PCNX2: variants seen among roughly 807,000 people sequenced by gnomAD.
PCNX2 encodes the protein pecanex-like protein 2.
In PCNX2, 168 loss-of-function variants were observed where a neutral mutation model predicts 223.8. The observed-to-expected ratio is 0.75, with a 90% CI of 0.66 to 0.85. The LOEUF (loss-of-function observed/expected upper bound fraction) is 0.85. PCNX2 is among the 40% of genes least tolerant of loss of function. The pLI is 0.00. For missense variants in PCNX2, 2,507 were observed against 2,675.5 expected (o/e 0.94, Z 1.39); for synonymous variants, 1,006 against 1,052.6 (o/e 0.96, Z 0.86).
Position 233,100,203 on chromosome 1 carries a change from A to C in PCNX2, c.3838-4340T>G, listed in dbSNP as rs540403706. On this transcript the variant is annotated intron_variant, in intron 21 of 33. Coordinates refer to ENST00000258229, the MANE Select transcript of PCNX2 (RefSeq NM_014801.4). ...CATGGCAGGCAGATCACCAGAGGTCAGGAGTTCCAGAACAGCCTGGCCAAT... is the reference window on the plus strand; with the variant it reads ...CATGGCAGGCAGATCACCAGAGGTCCGGAGTTCCAGAACAGCCTGGCCAAT... Among the ~76,000 whole-genome samples the C allele has an allele frequency of 2.6e-5, 4 of 152,316 alleles. No individual in the cohort carries two copies. In the South Asian group the frequency reaches 8.3e-4, roughly 32 times the overall value.
chr1:233,221,863 G>A (rs189259261), intron 10 of PCNX2, among the ~76,000 whole-genome samples: 6 of 152,272 alleles, frequency 3.9e-5, no homozygotes, highest in East Asian at 1.9e-4. Context: ...CAGAATCCAT[G>A]GCAGAAATTA....
intron 25 of PCNX2, among the ~76,000 whole-genome samples, chr1:233,028,566 A>G (rs868445979): frequency 3.0e-4 from 45 of 152,178 alleles, no homozygotes; most frequent in African/African-American, 1.1e-3. Flanking sequence ...TTTGTAAGGA[A>G]TGCAACTTTC....
At chr1:233,121,257 A>C (rs1281215859) in intron 21 of PCNX2, among the ~76,000 whole-genome samples, 1 of 152,194 alleles carries the variant, frequency 6.6e-6, no homozygotes, top group African/African-American at 2.4e-5. Flanking sequence ...GATTCTTTAC[A>C]ACTTGATCTA....
In PCNX2 at chr1:233,235,959, T is replaced by TAAA. The variant is rs34854755; in HGVS notation, c.2358+885_2358+886insTTT. ...GTGGCAAAGCAATCATAAAAAAAAA[T>TAAA]ATATATATATATATATATATATATA... On this transcript the variant is annotated intron_variant, in intron 9 of 33. Transcript: ENST00000258229. 8.2e-3 allele frequency among the ~76,000 whole-genome samples: 377 copies of TAAA among 45,968 alleles called. 7 individuals carry two copies. Among genetic ancestry groups the TAAA allele is most frequent in the African/African-American group, 0.016 (353 of 22,608 alleles). The allele number at this position is 45,968 out of a possible 152,430, so 30.2% of individuals were successfully genotyped here.
Position 233,054,386 on chromosome 1 carries a change from G to A in PCNX2, c.4233C>T (p.Gly1411=). 6.2e-7 allele frequency: 1 copy of A among 1,613,834 alleles called. No homozygotes were observed. Among genetic ancestry groups the A allele is most frequent in the Non-Finnish European group, 8.5e-7 (1 of 1,179,790 alleles). Residue 1411 remains glycine (G), a synonymous_variant, in exon 25 of 34, where the codon GGC becomes GGT. Transcript: ENST00000258229. ...TAAAGCAATCGCCAGAGCTGTAGTT[G>A]CCCCAACGTCCAAGAACTAAGTCTC... The part of the protein sequence containing the change: ...LCGDLVLGRW[G]NYSSGDCFIL...
At chr1:233,110,479 A>G (rs530180278) in intron 21 of PCNX2, among the ~76,000 whole-genome samples, 2 of 152,336 alleles carry the variant, frequency 1.3e-5, no homozygotes, top group East Asian at 3.9e-4. Flanking sequence ...ATGCAAACAA[A>G]ACTGACAAAA....
intron 10 of PCNX2, among the ~76,000 whole-genome samples, chr1:233,219,014 A>G (rs1345206462): frequency 6.6e-6 from 1 of 152,120 alleles, no homozygotes; most frequent in Non-Finnish European, 1.5e-5. Context: ...GACAGTGCAG[A>G]GGACCTGCCC....
intron 17 of PCNX2, among the ~76,000 whole-genome samples, chr1:233,163,479 C>G (rs1678616815): frequency 6.6e-6 from 1 of 151,730 alleles, no homozygotes. Flanking sequence ...GAGCGAGACT[C>G]TGTCTCAAAA....
intron 25 of PCNX2, among the ~76,000 whole-genome samples, chr1:233,033,765 T>A (rs1049296661): frequency 6.6e-6 from 1 of 152,224 alleles, no homozygotes; most frequent in Non-Finnish European, 1.5e-5. Context: ...AGGCCTTGCA[T>A]CATCCAAGAG....
chr1:233,244,802 A>C (rs1224853901), intron 8 of PCNX2, among the ~76,000 whole-genome samples: 2 of 152,244 alleles, frequency 1.3e-5, no homozygotes, highest in Non-Finnish European at 2.9e-5. Context: ...TGGTTTTAAA[A>C]GGCTCATTTT....
the PCNX2 span, among the ~76,000 whole-genome samples, chr1:233,312,913 C>T: frequency 6.7e-6 from 1 of 150,100 alleles, no homozygotes; most frequent in South Asian, 2.1e-4. Flanking sequence ...AAAATGTAAC[C>T]GAAAGAAAAA....
rs1659903619 is a variant in PCNX2 at position 233,259,073 on chromosome 1, C to T, written c.789G>A (p.Gln263=). 1 of 1,614,014 alleles carries T rather than the reference C, an allele frequency of 6.2e-7. No individual in the cohort carries two copies. The highest frequency in any genetic ancestry group is 1.1e-5 in the South Asian group (1 of 91,084). ...AAACGTCTGTTTCTAGTAAGTCATA[C>T]TGAGACAAAGACAGGTGGGGCAACT... is the stretch of plus-strand genomic sequence containing the variant. ...LKKLPHLSLS[Q]YDLLETDVSF... Residue 263 remains glutamine, a synonymous_variant, in exon 5 of 34, where the codon CAG becomes CAA. Transcript: ENST00000258229.
At chr1:233,185,511 T>C (rs547657319) in intron 15 of PCNX2, among the ~76,000 whole-genome samples, 84 of 152,168 alleles carry the variant, frequency 5.5e-4, no homozygotes, top group Non-Finnish European at 6.8e-4. Flanking sequence ...TCACTGTAAC[T>C]TACAAGTTCC....
chr1:233,171,339 A>G (rs1003312831), intron 17 of PCNX2, among the ~76,000 whole-genome samples: 2 of 151,590 alleles, frequency 1.3e-5, no homozygotes, highest in Non-Finnish European at 2.9e-5. Flanking sequence ...TACTTTTAAC[A>G]CAAGGTCACT....
chr1:233,275,047 T>C (rs749131615), intron 1 of PCNX2, among the ~76,000 whole-genome samples: 1 of 152,252 alleles, frequency 6.6e-6, no homozygotes, highest in Non-Finnish European at 1.5e-5. Flanking sequence ...GTGAAACATA[T>C]ACTGATTTTT....
At chr1:233,104,901 AT>A (rs1425824022) in intron 21 of PCNX2, among the ~76,000 whole-genome samples, 1 of 152,168 alleles carries the variant, frequency 6.6e-6, no homozygotes, top group African/African-American at 2.4e-5. Flanking sequence ...AATAAAAACA[AT>A]GGAAATAACA....
chr1:233,046,089 C>A (rs951746186), intron 25 of PCNX2, among the ~76,000 whole-genome samples: 1 of 152,238 alleles, frequency 6.6e-6, no homozygotes, highest in South Asian at 2.1e-4. Context: ...CTTTCTTGGT[C>A]CACAGCCTTG....
intron 25 of PCNX2, among the ~76,000 whole-genome samples, chr1:233,040,289 G>A (rs1671597977): frequency 1.3e-5 from 2 of 152,224 alleles, no homozygotes; most frequent in South Asian, 4.2e-4. Context: ...GATCAACTTC[G>A]TTTCAGTTGC....
chr1:233,239,631 C>T (rs980569981), intron 8 of PCNX2, among the ~76,000 whole-genome samples: 4 of 152,134 alleles, frequency 2.6e-5, no homozygotes, highest in African/African-American at 9.7e-5. Context: ...AAGATATTTT[C>T]CTCGTAGGTA....
Sources: gnomAD v4.1 joint callset for allele counts (sites outside exome capture counted in the v4.1 genomes callset) on GRCh38, gnomAD v4.1.1 for gene constraint, MANE v1.5 for transcripts, NCBI Gene and HGNC (gene_info 2026-07-23, HGNC 2026-07-21) for gene names.